ARHGAP18: variants seen among roughly 807,000 people sequenced by gnomAD.
ARHGAP18 encodes the protein Rho GTPase activating protein 18, also known as rho GTPase-activating protein 18.
ARHGAP18 carries 67 observed loss-of-function variants against 86.2 expected under a neutral mutation model. That is an observed-to-expected ratio of 0.78 (90% confidence interval 0.64 to 0.95). The LOEUF (loss-of-function observed/expected upper bound fraction) is 0.95, where lower values mean the gene tolerates loss of function less well. Ranked by LOEUF, ARHGAP18 falls within the 40% of genes least tolerant of loss-of-function variation. The pLI is 0.00. For missense variants in ARHGAP18, 691 were observed against 780.4 expected (o/e 0.89, Z 1.37); for synonymous variants, 283 against 280.4 (o/e 1.01, Z -0.09).
chr6:129,605,378 C>T (rs535049423), intron 10 of ARHGAP18, among the ~76,000 whole-genome samples: 1 of 152,258 alleles, frequency 6.6e-6, no homozygotes, highest in African/African-American at 2.4e-5. Context: ...GTTGGTCTAT[C>T]TTTTGGCTAA....
intron 8 of ARHGAP18, among the ~76,000 whole-genome samples, chr6:129,609,569 T>G (rs1216045063): frequency 1.3e-5 from 2 of 152,192 alleles, no homozygotes; most frequent in African/African-American, 4.8e-5. Context: ...TATGAAGTTA[T>G]GTTTGTTACC....
At chr6:129,684,517 G>A (rs1264443618) in intron 1 of ARHGAP18, among the ~76,000 whole-genome samples, 1 of 152,136 alleles carries the variant, frequency 6.6e-6, no homozygotes, top group African/African-American at 2.4e-5. Flanking sequence ...GTCTTGTAGG[G>A]CAAAGTTTTG....
intron 1 of ARHGAP18, among the ~76,000 whole-genome samples, chr6:129,681,140 C>T (rs143679836): frequency 3.3e-4 from 50 of 152,322 alleles, no homozygotes; most frequent in African/African-American, 1.1e-3. Context: ...TGCAGTAGCA[C>T]AATCGCGGCT....
intron 1 of ARHGAP18, among the ~76,000 whole-genome samples, chr6:129,650,547 A>C (rs758847097): frequency 1.3e-5 from 2 of 152,348 alleles, no homozygotes; most frequent in Non-Finnish European, 2.9e-5. Flanking sequence ...CAACTCAACA[A>C]GTAGCCAAAT....
chr6:129,581,844 T>C (rs558477559), intron 13 of ARHGAP18, among the ~76,000 whole-genome samples: 3 of 152,142 alleles, frequency 2.0e-5, no homozygotes, highest in South Asian at 4.2e-4. Context: ...GTGGAAGAAA[T>C]ATATAAACAT....
chr6:129,587,652 C>T (rs1426366572), intron 12 of ARHGAP18, among the ~76,000 whole-genome samples: 2 of 152,146 alleles, frequency 1.3e-5, no homozygotes, highest in African/African-American at 4.8e-5. Flanking sequence ...ACCATCAGAT[C>T]TCATGAGAAC....
At chr6:129,610,595 C>T (rs920740172) in intron 8 of ARHGAP18, among the ~76,000 whole-genome samples, 4 of 152,066 alleles carry the variant, frequency 2.6e-5, no homozygotes, top group Admixed American at 2.6e-4. Context: ...TGTCAAGGTC[C>T]CCCATCTGCA....
At chr6:129,581,959 T>C (rs1276080571) in intron 13 of ARHGAP18, among the ~76,000 whole-genome samples, 1 of 152,096 alleles carries the variant, frequency 6.6e-6, no homozygotes, top group Non-Finnish European at 1.5e-5. Context: ...TGGTCCATTC[T>C]TACAAATGAG....
intron 1 of ARHGAP18, among the ~76,000 whole-genome samples, chr6:129,665,016 T>G (rs1774013039): frequency 6.6e-6 from 1 of 152,140 alleles, no homozygotes; most frequent in South Asian, 2.1e-4. Context: ...TATTGAAAAT[T>G]TGATGATGTG....
At position 129,638,394 on chromosome 6, in the gene ARHGAP18, T is replaced by C; in HGVS notation, c.552A>G (p.Thr184=). The change falls in exon 3 of 15, where the codon ACA becomes ACG. Residue 184 remains threonine, a splice_region_variant and synonymous_variant. Coordinates refer to ENST00000368149, the MANE Select transcript of ARHGAP18 (RefSeq NM_033515.3). ...CTTAACATCAAAAAAGAAAACCTAC[T>C]GTTTCTTTTGATTCTCTCTGTTGAG... The part of the protein sequence containing the change: ...IFAQQRESKE[T]APGGTESQSL... 6.2e-7 allele frequency: 1 copy of C among 1,612,086 alleles called. No individual in the cohort carries two copies. The highest frequency in any genetic ancestry group is 8.5e-7 in the Non-Finnish European group (1 of 1,178,690).
intron 14 of ARHGAP18, among the ~76,000 whole-genome samples, chr6:129,578,896 G>A (rs1308484335): frequency 6.6e-6 from 1 of 151,996 alleles, no homozygotes; most frequent in African/African-American, 2.4e-5. Flanking sequence ...CTCAGGAGGT[G>A]GAGGTTGCAG....
At chr6:129,636,671 G>A (rs1005677986) in intron 3 of ARHGAP18, among the ~76,000 whole-genome samples, 12 of 152,206 alleles carry the variant, frequency 7.9e-5, no homozygotes, top group African/African-American at 2.9e-4. Flanking sequence ...GAGATCAGGA[G>A]TTCAAGACCA....
chr6:129,668,531 T>TTCA (rs1245118611), intron 1 of ARHGAP18, among the ~76,000 whole-genome samples: 1 of 152,192 alleles, frequency 6.6e-6, no homozygotes, highest in African/African-American at 2.4e-5. Context: ...TTCTTCAGCC[T>TTCA]GATGTTCAAG....
chr6:129,601,356 C>G (rs1788739418), intron 10 of ARHGAP18, among the ~76,000 whole-genome samples: 1 of 151,966 alleles, frequency 6.6e-6, no homozygotes, highest in Non-Finnish European at 1.5e-5. Flanking sequence ...TACCTGTAGT[C>G]CCAGGCACTG....
chr6:129,629,392 C>G lies in ARHGAP18; in HGVS notation c.747G>C (p.Glu249Asp), dbSNP rs776993730. The change falls in exon 5 of 15, where the codon GAG (glutamate) becomes GAC (aspartate). Residue 249 changes from glutamate to aspartate, a missense_variant. Transcript: ENST00000368149. ...CATCGCCTTTGCTCTTCTGGATTTT[C>G]TCCTTGGAGCTCTCTTTCTGATTGA... ...QALNQKESSK[E>D]KIQKSKGDDA... 20 of 1,613,778 alleles carry G rather than the reference C, an allele frequency of 1.2e-5. No homozygotes were observed. Among genetic ancestry groups the G allele is most frequent in the Non-Finnish European group, 1.7e-5 (20 of 1,179,922 alleles).
chr6:129,709,291 A>G (rs1046274241), intron 1 of ARHGAP18, among the ~76,000 whole-genome samples: 3 of 152,198 alleles, frequency 2.0e-5, no homozygotes, highest in Non-Finnish European at 4.4e-5. Context: ...GAGAAAGAAA[A>G]AAAAAAGCCC....
chr6:129,641,193 G>C (rs1199091967), intron 2 of ARHGAP18, among the ~76,000 whole-genome samples: 1 of 152,086 alleles, frequency 6.6e-6, no homozygotes, highest in Non-Finnish European at 1.5e-5. Context: ...GACCACAACA[G>C]GTCTTTGAAA....
At chr6:129,675,301 G>A (rs1239728135) in intron 1 of ARHGAP18, among the ~76,000 whole-genome samples, 3 of 151,282 alleles carry the variant, frequency 2.0e-5, no homozygotes, top group South Asian at 2.1e-4. Context: ...GGAGAATGGC[G>A]GGAACCCGGG....
chr6:129,678,772 A>T (rs1562721939), intron 1 of ARHGAP18, among the ~76,000 whole-genome samples: 1 of 152,214 alleles, frequency 6.6e-6, no homozygotes, highest in Non-Finnish European at 1.5e-5. Flanking sequence ...TAGACATAAG[A>T]TTTACATGTA....
Sources: allele counts gnomAD v4.1 joint callset (sites outside exome capture counted in the v4.1 genomes callset), GRCh38; gene constraint gnomAD v4.1.1; transcripts MANE v1.5; gene names NCBI Gene and HGNC (gene_info 2026-07-23, HGNC 2026-07-21).